The following SORCS3 variants were observed in gnomAD, a reference collection of about 807,000 sequenced individuals.
The protein encoded by SORCS3 is VPS10 domain-containing receptor SorCS3.
SORCS3 carries 57 observed loss-of-function variants against 146.3 expected under a neutral mutation model. The observed-to-expected ratio is 0.39, with a 90% CI of 0.31 to 0.49. SORCS3 has a LOEUF of 0.49. Ranked by LOEUF, SORCS3 falls within the 20% of genes least tolerant of loss-of-function variation. The probability of loss-of-function intolerance (pLI) is 0.92; values close to 1 mark genes in which losing one functional copy is unlikely to be tolerated. For missense variants in SORCS3, 1,341 were observed against 1,575.5 expected (o/e 0.85, Z 2.52); for synonymous variants, 653 against 618.5 (o/e 1.06, Z -0.83).
chr10:104,778,354 G>A (rs1294761051), intron 1 of SORCS3, among the ~76,000 whole-genome samples: 1 of 152,186 alleles, frequency 6.6e-6, no homozygotes, highest in South Asian at 2.1e-4. Context: ...GGCCTATTTG[G>A]GGAAATAATG....
At chr10:104,681,954 C>T (rs2015982702) in intron 1 of SORCS3, among the ~76,000 whole-genome samples, 1 of 152,038 alleles carries the variant, frequency 6.6e-6, no homozygotes, top group Non-Finnish European at 1.5e-5. Context: ...TGTAAATGTC[C>T]TGCATATTGT....
At chr10:104,761,860 T>C (rs2017125748) in intron 1 of SORCS3, among the ~76,000 whole-genome samples, 1 of 152,210 alleles carries the variant, frequency 6.6e-6, no homozygotes, top group Non-Finnish European at 1.5e-5. Context: ...TGGTATCTTA[T>C]CAGCAAGCTG....
intron 4 of SORCS3, among the ~76,000 whole-genome samples, chr10:104,992,211 G>C (rs2054998635): frequency 6.6e-6 from 1 of 152,138 alleles, no homozygotes; most frequent in Non-Finnish European, 1.5e-5. Context: ...CCTGAGCCTG[G>C]TCAGGAAGAT....
At chr10:104,745,300 A>G (rs1276512544) in intron 1 of SORCS3, among the ~76,000 whole-genome samples, 1 of 152,200 alleles carries the variant, frequency 6.6e-6, no homozygotes, top group East Asian at 1.9e-4. Flanking sequence ...CAAAAAGCCT[A>G]TCAATTGAGA....
chr10:105,015,492 G>GA (rs142882874), intron 4 of SORCS3, among the ~76,000 whole-genome samples: 3,987 of 151,664 alleles, frequency 0.026, 160 homozygotes, highest in African/African-American at 0.091. Context: ...ATCCTGAATG[G>GA]AAAAAAAATC....
intron 1 of SORCS3, among the ~76,000 whole-genome samples, chr10:104,695,251 G>A (rs1280783900): frequency 1.3e-5 from 2 of 152,062 alleles, no homozygotes; most frequent in Admixed American, 6.6e-5. Context: ...CTTTTAGTGA[G>A]GAATTAATGG....
intron 25 of SORCS3, among the ~76,000 whole-genome samples, chr10:105,259,073 C>A (rs898336133): frequency 1.4e-4 from 22 of 152,258 alleles, no homozygotes; most frequent in African/African-American, 4.8e-4. Context: ...GTACGTAGGT[C>A]AGGTTCCTAG....
At chr10:104,849,800 T>C (rs1024172287) in intron 2 of SORCS3, among the ~76,000 whole-genome samples, 1 of 152,228 alleles carries the variant, frequency 6.6e-6, no homozygotes, top group Non-Finnish European at 1.5e-5. Flanking sequence ...AGATGACAAC[T>C]GTGCTAATAC....
intron 1 of SORCS3, among the ~76,000 whole-genome samples, chr10:104,663,969 C>G (rs1242288252): frequency 6.6e-6 from 1 of 152,176 alleles, no homozygotes; most frequent in African/African-American, 2.4e-5. Context: ...TTATGCCAAG[C>G]ATTTGTCATG....
At chr10:104,981,502 C>T (rs980308523) in intron 4 of SORCS3, among the ~76,000 whole-genome samples, 1 of 152,172 alleles carries the variant, frequency 6.6e-6, no homozygotes, top group African/African-American at 2.4e-5. Context: ...TTCCATCAGG[C>T]TATTTCCTCA....
At chr10:104,833,648 A>G (rs557216532) in intron 1 of SORCS3, among the ~76,000 whole-genome samples, 1 of 152,220 alleles carries the variant, frequency 6.6e-6, no homozygotes, top group South Asian at 2.1e-4. Context: ...GCCTCGTTTC[A>G]CTGATCTCTA....
At chr10:104,850,750 A>T (rs1322620434) in intron 2 of SORCS3, among the ~76,000 whole-genome samples, 1 of 152,194 alleles carries the variant, frequency 6.6e-6, no homozygotes, top group African/African-American at 2.4e-5. Flanking sequence ...AGACGAAATG[A>T]TCTTTTGAAA....
At chr10:104,762,510 G>C (rs978057828) in intron 1 of SORCS3, among the ~76,000 whole-genome samples, 2 of 152,150 alleles carry the variant, frequency 1.3e-5, no homozygotes, top group Non-Finnish European at 2.9e-5. Context: ...CTAAGCCTCA[G>C]TGTTGCTTAA....
chr10:104,728,021 T>TTCTATCTGTCTA (rs1405160751), intron 1 of SORCS3, among the ~76,000 whole-genome samples: 14 of 146,708 alleles, frequency 9.5e-5, no homozygotes, highest in African/African-American at 3.5e-4. Flanking sequence ...TATATAACAG[T>TTCTATCTGTCTA]TCTATCTATC....
intron 20 of SORCS3, among the ~76,000 whole-genome samples, chr10:105,236,116 A>C (rs1457450032): frequency 2.0e-5 from 3 of 152,144 alleles, no homozygotes; most frequent in Non-Finnish European, 2.9e-5. Context: ...TGACTAATGC[A>C]CTTGCATTTC....
intron 2 of SORCS3, among the ~76,000 whole-genome samples, chr10:104,874,739 A>C (rs2018553455): frequency 6.6e-6 from 1 of 152,116 alleles, no homozygotes; most frequent in African/African-American, 2.4e-5. Flanking sequence ...CCTTGAGTAC[A>C]TCTCATCATA....
intron 4 of SORCS3, among the ~76,000 whole-genome samples, chr10:105,032,602 T>C (rs1363403472): frequency 6.6e-6 from 1 of 152,192 alleles, no homozygotes; most frequent in Admixed American, 6.5e-5. Context: ...TGGCATTTCA[T>C]GTGGTAGGAA....
intron 1 of SORCS3, among the ~76,000 whole-genome samples, chr10:104,720,495 A>G (rs149129677): frequency 0.018 from 2,771 of 152,316 alleles, 105 homozygotes; most frequent in African/African-American, 0.06. Flanking sequence ...ATACCCAGTA[A>G]TGGGATGGCT....
intron 1 of SORCS3, among the ~76,000 whole-genome samples, chr10:104,797,394 G>A (rs1249529673): frequency 1.3e-5 from 2 of 152,236 alleles, no homozygotes; most frequent in South Asian, 2.1e-4. Context: ...TAAATAAATA[G>A]GAGCCACATT....
Sources: gnomAD v4.1 joint callset for allele counts (sites outside exome capture counted in the v4.1 genomes callset) on GRCh38, gnomAD v4.1.1 for gene constraint, MANE v1.5 for transcripts, NCBI Gene and HGNC (gene_info 2026-07-23, HGNC 2026-07-21) for gene names.